ARB2A: variants seen among roughly 807,000 people sequenced by gnomAD.
ARB2A encodes the protein cotranscriptional regulator ARB2A.
At chr5:93,798,512 T>C in the ARB2A span, among the ~76,000 whole-genome samples, 1 of 152,144 alleles carries the variant, frequency 6.6e-6, no homozygotes, top group Non-Finnish European at 1.5e-5. Flanking sequence ...GCCTTTTATA[T>C]AAAAGTGAAT....
the ARB2A span, among the ~76,000 whole-genome samples, chr5:93,702,999 T>C: frequency 6.6e-6 from 1 of 152,150 alleles, no homozygotes; most frequent in East Asian, 1.9e-4. Context: ...AAATGAAAAT[T>C]AAAAATGACC....
At chr5:93,705,821 T>G in the ARB2A span, among the ~76,000 whole-genome samples, 1 of 152,122 alleles carries the variant, frequency 6.6e-6, no homozygotes, top group Non-Finnish European at 1.5e-5. Flanking sequence ...TGATTAGTAA[T>G]GTCAAAAGAG....
chr5:93,659,407 A>T, the ARB2A span, among the ~76,000 whole-genome samples: 1 of 152,082 alleles, frequency 6.6e-6, no homozygotes, highest in African/African-American at 2.4e-5. Context: ...AGACATCATG[A>T]TGTTGCCCAA....
chr5:94,044,586 C>T, the ARB2A span, among the ~76,000 whole-genome samples: 4 of 152,144 alleles, frequency 2.6e-5, no homozygotes, highest in South Asian at 2.1e-4. Context: ...ATGTCACAGG[C>T]GTTTGAACCA....
chr5:93,853,554 T>C, the ARB2A span, among the ~76,000 whole-genome samples: 1 of 152,254 alleles, frequency 6.6e-6, no homozygotes, highest in East Asian at 1.9e-4. Context: ...AAGGGAATGC[T>C]TCCAGTTTTT....
At chr5:93,617,925 C>G in the ARB2A span, 1 of 152,078 alleles carries the variant, frequency 6.6e-6, no homozygotes, top group Non-Finnish European at 1.5e-5. Flanking sequence ...TACAGCAATA[C>G]TAACAGAAAT....
the ARB2A span, among the ~76,000 whole-genome samples, chr5:93,981,579 T>C: frequency 3.9e-5 from 6 of 152,022 alleles, no homozygotes; most frequent in African/African-American, 1.4e-4. Flanking sequence ...ATTATCCATT[T>C]ACCCTCCCAA....
At chr5:93,651,274 T>A in the ARB2A span, among the ~76,000 whole-genome samples, 1 of 152,068 alleles carries the variant, frequency 6.6e-6, no homozygotes, top group Admixed American at 6.5e-5. Flanking sequence ...TAGATGGGAC[T>A]ACAGGTGTGT....
chr5:93,682,879 T>C, the ARB2A span: 2 of 1,496,354 alleles, frequency 1.3e-6, no homozygotes, highest in South Asian at 1.1e-5. Flanking sequence ...GAATAGCCTC[T>C]TGGTTAGTCA....
At chr5:93,958,687 T>A in the ARB2A span, 2 of 888,780 alleles carry the variant, frequency 2.3e-6, no homozygotes, top group Non-Finnish European at 3.2e-6. Flanking sequence ...AAGATTATGC[T>A]TAGGATATAC....
the ARB2A span, among the ~76,000 whole-genome samples, chr5:93,779,124 T>TGTGTGTGTGTGCGCGC: frequency 6.8e-6 from 1 of 146,298 alleles, no homozygotes; most frequent in African/African-American, 2.6e-5. Flanking sequence ...TGTGTGTGTG[T>TGTGTGTGTGTGCGCGC]GCGCGCGCGC....
At chr5:93,821,907 A>G in the ARB2A span, among the ~76,000 whole-genome samples, 2 of 149,502 alleles carry the variant, frequency 1.3e-5, no homozygotes, top group South Asian at 4.3e-4. Flanking sequence ...CACAAAAAGT[A>G]GCAAAAAAAA....
chr5:93,868,428 T>C, the ARB2A span, among the ~76,000 whole-genome samples: 1 of 152,300 alleles, frequency 6.6e-6, no homozygotes. Flanking sequence ...CACACGGTAA[T>C]GTTTACATCC....
At chr5:93,776,365 A>G in the ARB2A span, 2 of 637,520 alleles carry the variant, frequency 3.1e-6, no homozygotes, top group African/African-American at 3.8e-5. Context: ...TTTTCCATAC[A>G]CTTAACATTT....
At chr5:93,759,492 T>C in the ARB2A span, among the ~76,000 whole-genome samples, 1 of 152,118 alleles carries the variant, frequency 6.6e-6, no homozygotes, top group South Asian at 2.1e-4. Flanking sequence ...GATGCTAAAA[T>C]CTTTAACAAA....
chr5:93,644,670 CTTTAA>C, the ARB2A span, among the ~76,000 whole-genome samples: 1 of 151,976 alleles, frequency 6.6e-6, no homozygotes, highest in African/African-American at 2.4e-5. Context: ...TCTCTTTATT[CTTTAA>C]TTTCATTTTT....
At chr5:94,059,726 T>C in the ARB2A span, among the ~76,000 whole-genome samples, 1 of 143,442 alleles carries the variant, frequency 7.0e-6, no homozygotes, top group Admixed American at 6.9e-5. Flanking sequence ...AACAAGACAA[T>C]GGTGCAACAT....
the ARB2A span, among the ~76,000 whole-genome samples, chr5:93,985,059 C>G: frequency 1.8e-4 from 28 of 152,182 alleles, no homozygotes; most frequent in Admixed American, 1.7e-3. Context: ...TTCTCTGAGC[C>G]AATACAGTCA....
chr5:93,656,820 T>TTG, the ARB2A span, among the ~76,000 whole-genome samples: 3 of 152,114 alleles, frequency 2.0e-5, no homozygotes, highest in African/African-American at 7.2e-5. Context: ...TGTTTTTTTT[T>TTG]TAAACTTAGT....
Sources: gnomAD v4.1 joint callset for allele counts (sites outside exome capture counted in the v4.1 genomes callset) on GRCh38, gnomAD v4.1.1 for gene constraint, MANE v1.5 for transcripts, NCBI Gene and HGNC (gene_info 2026-07-23, HGNC 2026-07-21) for gene names.